The following SLIT3 variants were observed in gnomAD, a reference collection of about 807,000 sequenced individuals.
The protein encoded by SLIT3 is slit guidance ligand 3.
Under a neutral mutation model 184.0 loss-of-function variants are expected in SLIT3, and 68 were observed. The observed-to-expected ratio is 0.37, with a 90% CI of 0.30 to 0.45. The LOEUF is 0.45. SLIT3 is among the 20% of genes least tolerant of loss of function. SLIT3 has a pLI of 1.00. For missense variants in SLIT3, 1,707 were observed against 2,026.0 expected (o/e 0.84, Z 3.02); for synonymous variants, 831 against 828.6 (o/e 1.00, Z -0.05).
At chr5:168,817,069 T>G (rs1390775727) in intron 8 of SLIT3, among the ~76,000 whole-genome samples, 1 of 152,184 alleles carries the variant, frequency 6.6e-6, no homozygotes, top group Non-Finnish European at 1.5e-5. Flanking sequence ...AAGTAGTTCA[T>G]GAATTCTTTT....
At chr5:168,975,672 C>CT (rs1256200314) in intron 4 of SLIT3, among the ~76,000 whole-genome samples, 3 of 152,156 alleles carry the variant, frequency 2.0e-5, no homozygotes, top group Non-Finnish European at 4.4e-5. Flanking sequence ...AATTCAGCCA[C>CT]TTTTTTCTGT....
At chr5:168,749,661 C>T in intron 18 of SLIT3, 26 bp from the exon 19 acceptor site, 1 of 1,613,180 alleles carries the variant, frequency 6.2e-7, no homozygotes, top group South Asian at 1.1e-5. Context: ...GGTGCTTAGC[C>T]TCCATCCTTC....
intron 3 of SLIT3, among the ~76,000 whole-genome samples, chr5:169,223,796 T>A (rs561516321): frequency 6.6e-6 from 1 of 152,272 alleles, no homozygotes; most frequent in South Asian, 2.1e-4. Flanking sequence ...GCTTTTTTTT[T>A]CCAAGGGCTG....
At chr5:168,723,809 G>C (rs551749636) in intron 21 of SLIT3, among the ~76,000 whole-genome samples, 1 of 152,278 alleles carries the variant, frequency 6.6e-6, no homozygotes, top group East Asian at 1.9e-4. Flanking sequence ...TCCATGCCCA[G>C]GTATTCTGAT....
chr5:168,895,648 T>C (rs1264201927), intron 4 of SLIT3, among the ~76,000 whole-genome samples: 1 of 152,208 alleles, frequency 6.6e-6, no homozygotes, highest in Non-Finnish European at 1.5e-5. Context: ...GTTAATACTA[T>C]AGAATGACGT....
At chr5:168,882,297 G>A (rs991695105) in intron 5 of SLIT3, among the ~76,000 whole-genome samples, 5 of 152,100 alleles carry the variant, frequency 3.3e-5, no homozygotes, top group African/African-American at 7.2e-5. Context: ...AGCATGTTCC[G>A]ACCCCGTGGG....
intron 4 of SLIT3, among the ~76,000 whole-genome samples, chr5:168,983,486 C>T (rs970089827): frequency 2.0e-5 from 3 of 152,106 alleles, no homozygotes; most frequent in East Asian, 1.9e-4. Context: ...CTGGTTTCTC[C>T]GCAGCTAAGA....
At chr5:168,796,474 G>A (rs2113605991) in intron 9 of SLIT3, among the ~76,000 whole-genome samples, 2 of 152,266 alleles carry the variant, frequency 1.3e-5, no homozygotes, top group South Asian at 4.1e-4. Flanking sequence ...CCAGGCTCAG[G>A]ATCTCATCCT....
chr5:168,819,669 G>A (rs1345373668), intron 7 of SLIT3, among the ~76,000 whole-genome samples: 1 of 152,138 alleles, frequency 6.6e-6, no homozygotes, highest in East Asian at 1.9e-4. Flanking sequence ...ATGACGTTTA[G>A]GTAAGTCAGA....
chr5:169,107,473 T>A (rs1019453693), intron 4 of SLIT3, among the ~76,000 whole-genome samples: 3 of 152,192 alleles, frequency 2.0e-5, no homozygotes, highest in Non-Finnish European at 4.4e-5. Context: ...TTGAAAAAAA[T>A]TATTATTCTA....
intron 4 of SLIT3, among the ~76,000 whole-genome samples, chr5:169,070,840 C>T (rs1216667494): frequency 1.4e-5 from 2 of 143,430 alleles, no homozygotes; most frequent in South Asian, 4.6e-4. Flanking sequence ...AAACAAAAAA[C>T]AAAAGCCTGA....
At chr5:169,296,078 A>T (rs1767494946) in intron 1 of SLIT3, among the ~76,000 whole-genome samples, 1 of 152,220 alleles carries the variant, frequency 6.6e-6, no homozygotes, top group Non-Finnish European at 1.5e-5. Flanking sequence ...ATTAGTTCAT[A>T]AAATCCAAAT....
At chr5:169,251,117 C>G (rs1052033062) in intron 2 of SLIT3, among the ~76,000 whole-genome samples, 8 of 152,218 alleles carry the variant, frequency 5.3e-5, no homozygotes, top group African/African-American at 1.7e-4. Context: ...ATCCTAGAAG[C>G]TGGGCATGGT....
intron 20 of SLIT3, among the ~76,000 whole-genome samples, chr5:168,741,723 C>G (rs1484893425): frequency 6.6e-6 from 1 of 151,530 alleles, no homozygotes; most frequent in Non-Finnish European, 1.5e-5. Flanking sequence ...CTTAGCCACC[C>G]AAAAGGCTTT....
intron 4 of SLIT3, among the ~76,000 whole-genome samples, chr5:169,143,263 A>G (rs1046520732): frequency 2.6e-5 from 4 of 152,240 alleles, no homozygotes; most frequent in Admixed American, 2.0e-4. Context: ...TTCTGGATTT[A>G]CAGTTTGCTA....
chr5:169,176,346 G>A (rs947327824), intron 4 of SLIT3, among the ~76,000 whole-genome samples: 3 of 152,152 alleles, frequency 2.0e-5, no homozygotes, highest in Non-Finnish European at 2.9e-5. Context: ...CCAGGTCTGC[G>A]ATTTCTTCGC....
chr5:168,936,890 C>A (rs1197129010), intron 4 of SLIT3, among the ~76,000 whole-genome samples: 1 of 152,158 alleles, frequency 6.6e-6, no homozygotes, highest in Non-Finnish European at 1.5e-5. Flanking sequence ...TAAGCATAAT[C>A]CATGCTGTCC....
chr5:168,946,881 C>G (rs555849508), intron 4 of SLIT3, among the ~76,000 whole-genome samples: 1 of 152,318 alleles, frequency 6.6e-6, no homozygotes, highest in South Asian at 2.1e-4. Context: ...TTTGCAAAGC[C>G]TTTTATCAGC....
At position 168,874,563 on chromosome 5, in the gene SLIT3, G is replaced by T. The variant is rs569494688; in HGVS notation, c.485+8702C>A. ...GTAGACAGTTATAACGCAGGGAGGG[G>T]TGTTTTAGGAAATATGCAAAGTCTG... On this transcript the variant is annotated intron_variant, in intron 5 of 35. Transcript: ENST00000519560. 4.0e-4 allele frequency among the ~76,000 whole-genome samples: 61 copies of T among 152,346 alleles called. 1 individual carries two copies. The South Asian group carries it at 0.013, about 32-fold the overall frequency.
Sources: gnomAD v4.1 joint callset for allele counts (sites outside exome capture counted in the v4.1 genomes callset) on GRCh38, gnomAD v4.1.1 for gene constraint, MANE v1.5 for transcripts, NCBI Gene and HGNC (gene_info 2026-07-23, HGNC 2026-07-21) for gene names.